JAKMIP1: variants seen among roughly 807,000 people sequenced by gnomAD.
The protein encoded by JAKMIP1 is janus kinase and microtubule-interacting protein 1.
In JAKMIP1, 33 loss-of-function variants were observed where a neutral mutation model predicts 113.0. The ratio of observed to expected loss-of-function variants is 0.29; its 90% confidence interval spans 0.22 to 0.39. The LOEUF (loss-of-function observed/expected upper bound fraction) is 0.39. Among genes scored for constraint, JAKMIP1 ranks in the 10% least tolerant of loss-of-function variants. JAKMIP1 has a pLI of 1.00. For synonymous variants in JAKMIP1, 480 were observed against 459.9 expected (o/e 1.04, Z -0.56); for missense variants, 813 against 1,080.5 (o/e 0.75, Z 3.47).
In JAKMIP1 at chr4:6,155,395, A is replaced by G. The variant is rs1722110610; in HGVS notation, c.-147-42398T>C. On this transcript the variant is annotated intron_variant, in intron 1 of 20. Transcript: ENST00000409021. The surrounding 1 kb of genome is among the most constrained non-coding windows in gnomAD (Gnocchi z 6.1). ...TTAACCCTCAAGAGAACCCTAAAAC[A>G]TAGGTATTCTAGAGATTTAAAAAGT... 6.6e-6 allele frequency among the ~76,000 whole-genome samples: 1 copy of G among 152,172 alleles called. No individual in the cohort carries two copies. Among genetic ancestry groups the G allele is most frequent in the Non-Finnish European group, 1.5e-5 (1 of 68,034 alleles).
Position 6,184,549 on chromosome 4 carries a change from A to C in JAKMIP1, c.-148+15704T>G, listed in dbSNP as rs1726421374. Reference sequence around the variant, plus strand: ...AAGCACACCCTCCACCCTGAGCGCCAGTGTGGGATGGGTGCTATATGGACG... The same window carrying C: ...AAGCACACCCTCCACCCTGAGCGCCCGTGTGGGATGGGTGCTATATGGACG... On this transcript the variant is annotated intron_variant, in intron 1 of 20. Coordinates refer to ENST00000409021, the MANE Select transcript of JAKMIP1 (RefSeq NM_001099433.2). The surrounding 1 kb of genome is among the most constrained non-coding windows in gnomAD (Gnocchi z 4.5). Among the ~76,000 whole-genome samples, 1 of 152,172 alleles carries C rather than the reference A, an allele frequency of 6.6e-6. No individual in the cohort carries two copies. The highest frequency in any genetic ancestry group is 2.4e-5 in the African/African-American group (1 of 41,456).
rs759704729 is a variant in JAKMIP1 at position 6,097,321 on chromosome 4, A to G, written c.624+8152T>C. ...TCTGACTCTGAATTTATATGCTACC[A>G]ATAAGTAATCACTTCTTACACTTAT... On this transcript the variant is annotated intron_variant, in intron 3 of 20. Transcript: ENST00000409021. The surrounding 1 kb of genome is among the most constrained non-coding windows in gnomAD (Gnocchi z 4.3). Among the ~76,000 whole-genome samples, 1 of 152,196 alleles carries G rather than the reference A, an allele frequency of 6.6e-6. No individual in the cohort carries two copies. The highest frequency in any genetic ancestry group is 1.5e-5 in the Non-Finnish European group (1 of 68,038).
In JAKMIP1 at chr4:6,106,510, T is replaced by G. The variant is rs1007795994; in HGVS notation, c.130-543A>C. Among the ~76,000 whole-genome samples the G allele has an allele frequency of 4.6e-5, 7 of 151,480 alleles. No individual in the cohort carries two copies. Among genetic ancestry groups the G allele is most frequent in the African/African-American group, 1.7e-4 (7 of 41,132 alleles). On this transcript the variant is annotated intron_variant, in intron 2 of 20. Transcript: ENST00000409021. The surrounding 1 kb of genome is among the most constrained non-coding windows in gnomAD (Gnocchi z 5.9). ...ACCCCTCACGGTCTTGGGAAGGAAG[T>G]AGCGTGCTCCCTCTCTTTCTCCCTC...
chr4:6,101,151 T>C (rs1440349005), intron 3 of JAKMIP1, among the ~76,000 whole-genome samples: 1 of 152,248 alleles, frequency 6.6e-6, no homozygotes, highest in African/African-American at 2.4e-5. Flanking sequence ...AATAGTCTGT[T>C]TTCTACTAGT....
chr4:6,192,494 G>T lies in JAKMIP1; in HGVS notation c.-148+7759C>A, dbSNP rs1353933484. Among the ~76,000 whole-genome samples, 9 of 152,096 alleles carry T rather than the reference G, an allele frequency of 5.9e-5. No homozygotes were observed. The highest frequency in any genetic ancestry group is 8.8e-5 in the Non-Finnish European group (6 of 68,022). ...ACGCAGACGCCACTGAGCCTGTTTTGGTTTTGGTCTACATCCAAAACCAAC... is the reference window on the plus strand; with the variant it reads ...ACGCAGACGCCACTGAGCCTGTTTTTGTTTTGGTCTACATCCAAAACCAAC... On this transcript the variant is annotated intron_variant, in intron 1 of 20. Transcript: ENST00000409021. This position sits in a 1 kb window ranked among gnomAD's most constrained non-coding sequence, Gnocchi z 5.0.
rs139621537 is a variant in JAKMIP1 at position 6,076,663 on chromosome 4, T to G, written c.1302+2276A>C. On this transcript the variant is annotated intron_variant, in intron 8 of 20. Coordinates refer to ENST00000409021, the MANE Select transcript of JAKMIP1 (RefSeq NM_001099433.2). The surrounding 1 kb of genome is among the most constrained non-coding windows in gnomAD (Gnocchi z 4.8). Reference sequence around the variant, plus strand: ...ACAGGTATATATTTTACAGGCTGAGTGTCCTTTATCTGAAATACTTGGAAC... The same window carrying G: ...ACAGGTATATATTTTACAGGCTGAGGGTCCTTTATCTGAAATACTTGGAAC... Among the ~76,000 whole-genome samples, 409 of 152,282 alleles carry G rather than the reference T, an allele frequency of 2.7e-3. 1 individual carries two copies. Among genetic ancestry groups the G allele is most frequent in the Non-Finnish European group, 4.3e-3 (291 of 68,030 alleles).
At chr4:6,048,787 T>G (rs1715304493) in intron 16 of JAKMIP1, 70 bp downstream of exon 16, 9 of 1,307,752 alleles carry the variant, frequency 6.9e-6, no homozygotes, top group Non-Finnish European at 8.8e-6. Context: ...AAGACGCCAA[T>G]GTACAGTTTC....
chr4:6,177,467 C>T (rs760999140), intron 1 of JAKMIP1, among the ~76,000 whole-genome samples: 11 of 152,330 alleles, frequency 7.2e-5, no homozygotes, highest in Non-Finnish European at 1.5e-4. Flanking sequence ...ATGTTTGCCA[C>T]GGCTTCTGCC....
chr4:6,087,971 T>C (rs979954886), intron 3 of JAKMIP1, among the ~76,000 whole-genome samples: 1 of 152,130 alleles, frequency 6.6e-6, no homozygotes, highest in Non-Finnish European at 1.5e-5. Flanking sequence ...AGGAGCACTG[T>C]CCCTTCCACA....
rs769749144 is a variant in JAKMIP1, at chr4:6,061,849, G to A, written c.1560+463C>T. 1.3e-5 allele frequency among the ~76,000 whole-genome samples: 2 copies of A among 152,176 alleles called. No homozygotes were observed. Among genetic ancestry groups the A allele is most frequent in the Admixed American group, 1.3e-4 (2 of 15,286 alleles). ...CAGAAGGCAGAGCTCAGCCTAGCCT[G>A]AGGAATGGCGTGGCCTGGACTGAGG... On this transcript the variant is annotated intron_variant, in intron 10 of 20. Coordinates refer to ENST00000409021, the MANE Select transcript of JAKMIP1 (RefSeq NM_001099433.2). The surrounding 1 kb of genome is among the most constrained non-coding windows in gnomAD (Gnocchi z 5.3).
chr4:6,171,447 C>CCAT (rs1278807237), intron 1 of JAKMIP1, among the ~76,000 whole-genome samples: 1 of 151,978 alleles, frequency 6.6e-6, no homozygotes, highest in Admixed American at 6.6e-5. Context: ...ACCACCATCA[C>CCAT]CATCACCACC....
chr4:6,063,847 G>T (rs1353107893), intron 9 of JAKMIP1, among the ~76,000 whole-genome samples: 1 of 152,252 alleles, frequency 6.6e-6, no homozygotes, highest in Non-Finnish European at 1.5e-5. Flanking sequence ...CGGGATGTGG[G>T]GGCGCAAGGA....
rs1418210922 is a variant in JAKMIP1 at position 6,187,729 on chromosome 4, G to T, written c.-148+12524C>A. ...ATTGTTTATAAGCTATCCAGTCTAA[G>T]GTGTTTTGTTATAGCAGCCTGAAAG... On this transcript the variant is annotated intron_variant, in intron 1 of 20. Coordinates refer to ENST00000409021, the MANE Select transcript of JAKMIP1 (RefSeq NM_001099433.2). This position sits in a 1 kb window ranked among gnomAD's most constrained non-coding sequence, Gnocchi z 4.2. Among the ~76,000 whole-genome samples, 1 of 152,192 alleles carries T rather than the reference G, an allele frequency of 6.6e-6. No individual in the cohort carries two copies. The highest frequency in any genetic ancestry group is 1.5e-5 in the Non-Finnish European group (1 of 68,030).
In JAKMIP1 at chr4:6,169,640, T is replaced by A. The variant is rs182822580; in HGVS notation, c.-148+30613A>T. Among the ~76,000 whole-genome samples, 523 of 147,174 alleles carry A rather than the reference T, an allele frequency of 3.6e-3. 1 individual carries two copies. The highest frequency in any genetic ancestry group is 0.012 in the African/African-American group (479 of 40,768). On this transcript the variant is annotated intron_variant, in intron 1 of 20. Transcript: ENST00000409021. ...GTGTGTGTGTGTGTGTGTGTGTGTG[T>A]GAATTATTTTCAGATGACGAAACTG...
Position 6,069,527 on chromosome 4 carries a change from T to G in JAKMIP1, c.1303-4519A>C, listed in dbSNP as rs562768246. ...ACTTTGGGAGGCTGAGGCAGAAAGA[T>G]CGCTTGAGCCCAGGAGTTCAAGATC... On this transcript the variant is annotated intron_variant, in intron 8 of 20. Transcript: ENST00000409021. The surrounding 1 kb of genome is among the most constrained non-coding windows in gnomAD (Gnocchi z 4.5). 6.6e-6 allele frequency among the ~76,000 whole-genome samples: 1 copy of G among 152,124 alleles called. No individual in the cohort carries two copies. Among genetic ancestry groups the G allele is most frequent in the South Asian group, 2.1e-4 (1 of 4,824 alleles).
rs1722071042 is a variant in JAKMIP1 at position 6,155,093 on chromosome 4, T to C, written c.-147-42096A>G. Among the ~76,000 whole-genome samples, 2 of 152,180 alleles carry C rather than the reference T, an allele frequency of 1.3e-5. No individual in the cohort carries two copies. The highest frequency in any genetic ancestry group is 4.8e-5 in the African/African-American group (2 of 41,436). On this transcript the variant is annotated intron_variant, in intron 1 of 20. Transcript: ENST00000409021. This position sits in a 1 kb window ranked among gnomAD's most constrained non-coding sequence, Gnocchi z 6.1. ...GCCCAGCCTGCTGGGAAGATACTTC[T>C]GGTGACAGTGTTGGGGTGTGCTGAA...
rs1448953067 is a variant in JAKMIP1 at position 6,155,584 on chromosome 4, C to T, written c.-147-42587G>A. On this transcript the variant is annotated intron_variant, in intron 1 of 20. Transcript: ENST00000409021. This position sits in a 1 kb window ranked among gnomAD's most constrained non-coding sequence, Gnocchi z 6.1. ...GCCCAGCGCTGCTACCTGATTTCCC[C>T]TAAAGAACTCACGGAGGATTTACGC... Among the ~76,000 whole-genome samples the T allele has an allele frequency of 6.6e-6, 1 of 152,160 alleles. No individual in the cohort carries two copies. Among genetic ancestry groups the T allele is most frequent in the African/African-American group, 2.4e-5 (1 of 41,438 alleles).
At position 6,036,288 on chromosome 4, in the gene JAKMIP1, C is replaced by T. The variant is rs568364377; in HGVS notation, c.2176-181G>A. On this transcript the variant is annotated intron_variant, in intron 18 of 20. Coordinates refer to ENST00000409021, the MANE Select transcript of JAKMIP1 (RefSeq NM_001099433.2). ...GGGAGCAGGCTGTGAGGGAGCAACT[C>T]GGCCCCGCACACTTGTCATTTTTTA... Among the ~76,000 whole-genome samples the T allele has an allele frequency of 5.9e-5, 9 of 152,310 alleles. No homozygotes were observed. In the South Asian group the frequency reaches 1.9e-3, roughly 32 times the overall value.
At chr4:6,170,218 C>A (rs1227436614) in intron 1 of JAKMIP1, among the ~76,000 whole-genome samples, 2 of 148,698 alleles carry the variant, frequency 1.3e-5, no homozygotes, top group African/African-American at 5.0e-5. Flanking sequence ...TCAAGACCAT[C>A]ATAATGCTCT....
Sources: gnomAD v4.1 joint callset for allele counts (sites outside exome capture counted in the v4.1 genomes callset) on GRCh38, gnomAD v4.1.1 for gene constraint, Gnocchi (gnomAD v3.1) non-coding constraint, MANE v1.5 for transcripts, NCBI Gene and HGNC (gene_info 2026-07-23, HGNC 2026-07-21) for gene names.